Variants in SFMBT2 observed in about 807,000 individuals in gnomAD.
The protein encoded by SFMBT2 is Scm like with four mbt domains 2.
SFMBT2 carries 38 observed loss-of-function variants against 110.1 expected under a neutral mutation model. That is an observed-to-expected ratio of 0.35 (90% CI 0.27 to 0.45). The LOEUF (loss-of-function observed/expected upper bound fraction) is 0.45, where lower values mean the gene tolerates loss of function less well. Ranked by LOEUF, SFMBT2 falls within the 20% of genes least tolerant of loss-of-function variation. The pLI, the probability that SFMBT2 is intolerant of heterozygous loss-of-function variation, is 1.00. For synonymous variants in SFMBT2, 425 were observed against 425.4 expected, an observed-to-expected ratio of 1.00 and a Z score of 0.01; for missense variants, 1,011 against 1,094.9, an observed-to-expected ratio of 0.92 and a Z score of 1.08.
At chr10:7,185,503 GA>G (rs774104673) in intron 16 of SFMBT2, among the ~76,000 whole-genome samples, 5 of 151,888 alleles carry the variant, frequency 3.3e-5, no homozygotes, top group African/African-American at 9.7e-5. Flanking sequence ...CACTGCTTAT[GA>G]AAAAAAAGAA....
chr10:7,285,562 T>C (rs907465759), intron 5 of SFMBT2: 4 of 245,236 alleles, frequency 1.6e-5, no homozygotes, highest in East Asian at 9.4e-5. Context: ...TTCACTCACA[T>C]AGGAAAGAGG....
rs1564395604 is a variant in SFMBT2 at position 7,228,778 on chromosome 10, CT to C, written c.1121-842del. On this transcript the variant is annotated intron_variant, in intron 9 of 20. Transcript: ENST00000397167. ...TCTCTCTCTCTCTCTCTCTCTCTCT[CT>C]CTCCCCCTCCCTCTCTCTCTCTCTT... Among the ~76,000 whole-genome samples, 1,027 of 132,156 alleles carry C rather than the reference CT, an allele frequency of 7.8e-3. 36 individuals are homozygous for C. The highest frequency in any genetic ancestry group is 0.012 in the Non-Finnish European group (683 of 58,288). 86.7% of individuals were successfully genotyped at this position (132,156 alleles called of 152,430 possible).
intron 11 of SFMBT2, chr10:7,215,566 C>T (rs1839507546): frequency 1.0e-6 from 1 of 985,336 alleles, no homozygotes. Context: ...TCTGCTCAAC[C>T]AAGCACTGGA....
intron 2 of SFMBT2, among the ~76,000 whole-genome samples, chr10:7,373,149 CA>C (rs1450830339): frequency 6.6e-6 from 1 of 152,216 alleles, no homozygotes; most frequent in Non-Finnish European, 1.5e-5. Context: ...TGTCCTCCCT[CA>C]GGGGTGAGTT....
chr10:7,184,924 G>A (rs555328988), intron 16 of SFMBT2, among the ~76,000 whole-genome samples: 26 of 152,262 alleles, frequency 1.7e-4, no homozygotes, highest in African/African-American at 5.8e-4. Context: ...AGTGAGGTAC[G>A]GTTCTCGCTT....
chr10:7,330,020 T>C (rs1217778445), intron 4 of SFMBT2, among the ~76,000 whole-genome samples: 2 of 152,204 alleles, frequency 1.3e-5, no homozygotes, highest in East Asian at 1.9e-4. Context: ...AGAAACCCTT[T>C]GCACGATTTC....
At chr10:7,361,938 C>G (rs1844732368) in intron 4 of SFMBT2, among the ~76,000 whole-genome samples, 1 of 152,188 alleles carries the variant, frequency 6.6e-6, no homozygotes, top group South Asian at 2.1e-4. Context: ...GGTAATGTCA[C>G]TGCTTTTCAA....
At chr10:7,169,477 G>A (rs555616910) in intron 20 of SFMBT2, among the ~76,000 whole-genome samples, 1 of 152,284 alleles carries the variant, frequency 6.6e-6, no homozygotes, top group Admixed American at 6.5e-5. Flanking sequence ...GGGTACACAG[G>A]AAGTCACAGA....
Position 7,186,475 on chromosome 10 carries a change from A to ATATATATAT in SFMBT2, c.1808+2148_1808+2149insATATATATA, listed in dbSNP as rs1345076690. 3.7e-3 allele frequency among the ~76,000 whole-genome samples: 511 copies of ATATATATAT among 136,552 alleles called. 6 individuals are homozygous for ATATATATAT. Among genetic ancestry groups the ATATATATAT allele is most frequent in the Non-Finnish European group, 5.1e-3 (326 of 64,480 alleles). 89.6% of individuals were successfully genotyped at this position (136,552 alleles called of 152,430 possible). A position where few individuals can be genotyped will look rare whatever the true frequency, so the allele number is the denominator to read the frequency against. On this transcript the variant is annotated intron_variant, in intron 16 of 20. Coordinates refer to ENST00000397167, the MANE Select transcript of SFMBT2 (RefSeq NM_001387889.1). ...ACACACACACATATATATATATATA[A>ATATATATAT]AAATATTTTATTTGTTGTAGAGACA... is the stretch of plus-strand genomic sequence containing the variant.
At chr10:7,297,948 C>T (rs1226663893) in intron 4 of SFMBT2, among the ~76,000 whole-genome samples, 3 of 152,162 alleles carry the variant, frequency 2.0e-5, no homozygotes, top group Non-Finnish European at 4.4e-5. Flanking sequence ...GTGGGAGCAC[C>T]ACGGGCTGAT....
At chr10:7,352,248 C>T (rs1186529596) in intron 4 of SFMBT2, among the ~76,000 whole-genome samples, 1 of 152,210 alleles carries the variant, frequency 6.6e-6, no homozygotes, top group Admixed American at 6.5e-5. Context: ...AGAAGGGACG[C>T]TCCAGGTGCC....
rs1844953994 is a variant in SFMBT2 at position 7,367,805 on chromosome 10, C to A, written c.280G>T (p.Ala94Ser). The A allele has an allele frequency of 1.2e-6, 2 of 1,614,052 alleles. No individual in the cohort carries two copies. The highest frequency in any genetic ancestry group is 3.3e-5 in the Admixed American group (2 of 60,006). The change falls in exon 4 of 21, where the codon GCC becomes TCC. Residue 94 changes from alanine to serine, a missense_variant. Physicochemically the swap from Ala to Ser is moderately conservative, Grantham distance 99. This residue lies in a region of SFMBT2 where 979 missense variants were observed against 1,016.1 expected (regional missense o/e 0.96). Transcript: ENST00000397167. This position sits in a 1 kb window ranked among gnomAD's most constrained non-coding sequence, Gnocchi z 6.2. ...NKNNPDTYWV[A>S]TIITTCGQLL... Reference sequence around the variant, plus strand: ...TGCCCGCACGTGGTAATGATCGTGGCCACCCAGTACGTGTCCGGGTTGTTC... The same window carrying A: ...TGCCCGCACGTGGTAATGATCGTGGACACCCAGTACGTGTCCGGGTTGTTC...
At position 7,292,430 on chromosome 10, in the gene SFMBT2, G is replaced by A. The variant is rs140922351; in HGVS notation, c.437-6476C>T. 94 of 156,868 alleles carry A rather than the reference G, an allele frequency of 6.0e-4. 1 individual carries two copies. The Middle Eastern group carries it at 0.02, about 33-fold the overall frequency. The allele number at this position is 156,868 out of a possible 1,614,324, so 9.7% of individuals were successfully genotyped here. A position where few individuals can be genotyped will look rare whatever the true frequency, so the allele number is the denominator to read the frequency against. On this transcript the variant is annotated intron_variant, in intron 4 of 20. Transcript: ENST00000397167. The stretch of plus-strand genomic sequence containing the variant: ...ATTAGATTGTTCCTACAAACAAAAA[G>A]ATAGATCATAAAATGATTCAACAGG...
At chr10:7,331,306 T>G (rs895128248) in intron 4 of SFMBT2, among the ~76,000 whole-genome samples, 5 of 152,344 alleles carry the variant, frequency 3.3e-5, no homozygotes, top group African/African-American at 1.2e-4. Flanking sequence ...ATGGGTAATT[T>G]TTTAATAGGG....
intron 4 of SFMBT2, chr10:7,286,480 C>T (rs764746691): frequency 9.1e-6 from 4 of 437,238 alleles, no homozygotes; most frequent in Non-Finnish European, 1.2e-5. Flanking sequence ...CCTCCATATC[C>T]ATGGGTTCCC....
At chr10:7,405,021 G>A (rs1017960900) in intron 1 of SFMBT2, among the ~76,000 whole-genome samples, 13 of 152,152 alleles carry the variant, frequency 8.5e-5, no homozygotes, top group African/African-American at 2.4e-4. Flanking sequence ...TAAACATAGA[G>A]CCAACACTTG....
Position 7,160,741 on chromosome 10 carries a change from A to T in SFMBT2, c.*3029T>A, listed in dbSNP as rs1264902616. 2.0e-5 allele frequency: 3 copies of T among 152,250 alleles called. No individual in the cohort carries two copies. The highest frequency in any genetic ancestry group is 7.2e-5 in the African/African-American group (3 of 41,450). 9.4% of individuals were successfully genotyped at this position (152,250 alleles called of 1,614,324 possible). ...CTCCATGAAATTGGCCCTACCTTTA[A>T]GACAGACGCTGGTGAGAGGTGAATC... On this transcript the variant is annotated 3_prime_UTR_variant, in exon 21 of 21. Coordinates refer to ENST00000397167, the MANE Select transcript of SFMBT2 (RefSeq NM_001387889.1).
At chr10:7,302,637 A>G (rs1334664130) in intron 4 of SFMBT2, among the ~76,000 whole-genome samples, 1 of 152,244 alleles carries the variant, frequency 6.6e-6, no homozygotes, top group African/African-American at 2.4e-5. Context: ...GATTGATTAC[A>G]AGGAGCATTC....
chr10:7,390,565 C>T (rs1038590915), intron 1 of SFMBT2, among the ~76,000 whole-genome samples: 2 of 151,960 alleles, frequency 1.3e-5, no homozygotes, highest in Non-Finnish European at 1.5e-5. Context: ...TTTATAAATT[C>T]AGGAAAATCA....
Sources: gnomAD v4.1 joint callset for allele counts (sites outside exome capture counted in the v4.1 genomes callset) on GRCh38, gnomAD v4.1.1 for gene constraint, gnomAD v4.1.1 regional missense constraint, Gnocchi (gnomAD v3.1) non-coding constraint, MANE v1.5 for transcripts, NCBI Gene and HGNC (gene_info 2026-07-23, HGNC 2026-07-21) for gene names.